GATB: variants seen among roughly 807,000 people sequenced by gnomAD.
The protein encoded by GATB is glutamyl-tRNA(Gln) amidotransferase subunit B, mitochondrial.
A neutral mutation model predicts 62.3 loss-of-function variants in GATB; 39 were observed. The ratio of observed to expected loss-of-function variants is 0.63; its 90% CI spans 0.48 to 0.82. The LOEUF is 0.82. Ranked by LOEUF, GATB falls within the 40% of genes least tolerant of loss-of-function variation. GATB has a pLI of 0.00. For synonymous variants in GATB, 276 were observed against 258.9 expected (o/e 1.07, Z -0.63); for missense variants, 670 against 684.0 (o/e 0.98, Z 0.23).
chr4:151,700,642 C>A (rs887298607), intron 9 of GATB, among the ~76,000 whole-genome samples: 7 of 152,158 alleles, frequency 4.6e-5, no homozygotes, highest in Non-Finnish European at 1.0e-4. Flanking sequence ...TTCCCACTTC[C>A]TTCCTAACAG....
intron 5 of GATB, among the ~76,000 whole-genome samples, chr4:151,715,732 T>C (rs1738899307): frequency 6.6e-6 from 1 of 152,216 alleles, no homozygotes; most frequent in Non-Finnish European, 1.5e-5. Flanking sequence ...AAGACTGAAC[T>C]GTTCAAAGCC....
chr4:151,672,646 A>G, intron 12 of GATB, 116 bp downstream of exon 12: 1 of 1,066,708 alleles, frequency 9.4e-7, no homozygotes, highest in Non-Finnish European at 1.4e-6. Context: ...ATTATTGATG[A>G]AACTGGGTCA....
chr4:151,675,433 C>G (rs984802159), intron 11 of GATB: 7 of 152,266 alleles, frequency 4.6e-5, no homozygotes, highest in African/African-American at 1.4e-4. Context: ...ATCCTTTGCT[C>G]AATCCTATTT....
chr4:151,701,419 A>C lies in GATB; in HGVS notation c.1107T>G (p.Ile369Met). The change falls in exon 9 of 13, where the codon ATT becomes ATG. Residue 369 changes from isoleucine (I) to methionine (M), a missense_variant. Ile to Met is a conservative substitution (Grantham distance 10, BLOSUM62 1). Coordinates refer to ENST00000263985, the MANE Select transcript of GATB (RefSeq NM_004564.3). ...DPQQVINIDQ[I>M]RETLPELPSV... Reference sequence around the variant, plus strand: ...TGGGGAGCTCCGGGAGTGTCTCCCGAATCTGGTCAATATTGATCACTTGCT... The same window carrying C: ...TGGGGAGCTCCGGGAGTGTCTCCCGCATCTGGTCAATATTGATCACTTGCT... 6.2e-7 allele frequency: 1 copy of C among 1,605,868 alleles called. No homozygotes were observed.
intron 2 of GATB, among the ~76,000 whole-genome samples, chr4:151,739,448 C>T (rs1578934624): frequency 6.6e-6 from 1 of 152,132 alleles, no homozygotes; most frequent in Admixed American, 6.5e-5. Context: ...TTTAAAAGAG[C>T]TGAGGAAAAA....
rs997467312 is a variant in GATB, at chr4:151,709,735, T to C, written c.764-1634A>G. ...ATCCTGACTCAACACAGTTCCCTCCTTGTCCAGGGACTGGCAATGTGGCTG... is the reference window on the plus strand; with the variant it reads ...ATCCTGACTCAACACAGTTCCCTCCCTGTCCAGGGACTGGCAATGTGGCTG... On this transcript the variant is annotated intron_variant, in intron 5 of 12. Transcript: ENST00000263985. Among the ~76,000 whole-genome samples the C allele has an allele frequency of 2.6e-5, 4 of 151,926 alleles. No individual in the cohort carries two copies. In the East Asian group the frequency reaches 7.8e-4, roughly 29 times the overall value.
intron 2 of GATB, among the ~76,000 whole-genome samples, chr4:151,725,956 T>C (rs570599133): frequency 2.6e-5 from 4 of 152,264 alleles, no homozygotes; most frequent in African/African-American, 9.6e-5. Context: ...CTTAAAAAAT[T>C]GAGGTGACAT....
At chr4:151,719,648 A>ATCTCTGGT (rs1738989147) in intron 2 of GATB, 110 bp from the exon 3 acceptor site, 2 of 641,432 alleles carry the variant, frequency 3.1e-6, no homozygotes, top group Non-Finnish European at 5.2e-6. Flanking sequence ...AACAGGCATT[A>ATCTCTGGT]TCTCTGGTTC....
chr4:151,696,530 T>C (rs760501846), intron 9 of GATB, among the ~76,000 whole-genome samples: 3 of 152,224 alleles, frequency 2.0e-5, no homozygotes, highest in Non-Finnish European at 4.4e-5. Flanking sequence ...GCGTAGGCCT[T>C]GAAGTCAGCA....
At chr4:151,700,085 C>T (rs4696289) in intron 9 of GATB, among the ~76,000 whole-genome samples, 36,919 of 152,120 alleles carry the variant, frequency 0.24, 5,142 homozygotes, top group Non-Finnish European at 0.32. Flanking sequence ...AAGACTAAAA[C>T]GTAGTTTTGT....
chr4:151,715,552 A>G (rs988194797), intron 5 of GATB, among the ~76,000 whole-genome samples: 1 of 152,224 alleles, frequency 6.6e-6, no homozygotes, highest in Non-Finnish European at 1.5e-5. Context: ...AAGTTTTCAT[A>G]ATCTTGGCTT....
intron 11 of GATB, among the ~76,000 whole-genome samples, chr4:151,678,166 C>T (rs1738050277): frequency 6.6e-6 from 1 of 152,206 alleles, no homozygotes; most frequent in African/African-American, 2.4e-5. Flanking sequence ...AAGCAACACA[C>T]ACTAGACACC....
At chr4:151,686,566 G>C (rs1272184003) in intron 10 of GATB, among the ~76,000 whole-genome samples, 1 of 150,424 alleles carries the variant, frequency 6.6e-6, no homozygotes, top group Admixed American at 6.6e-5. Context: ...CTCTCTTTCT[G>C]ATGCCCCAAA....
At chr4:151,673,128 T>A (rs935681900) in intron 11 of GATB, 3 of 493,068 alleles carry the variant, frequency 6.1e-6, no homozygotes, top group Admixed American at 3.2e-5. Flanking sequence ...CTAGGTGGAG[T>A]GAATGCACCT....
At chr4:151,734,242 A>G (rs1461662894) in intron 2 of GATB, among the ~76,000 whole-genome samples, 1 of 152,212 alleles carries the variant, frequency 6.6e-6, no homozygotes, top group Non-Finnish European at 1.5e-5. Flanking sequence ...AGAATTCAGC[A>G]AAGTTTCCAG....
At position 151,671,206 on chromosome 4, in the gene GATB, T is replaced by C. The variant is rs1168720136; in HGVS notation, c.1642A>G (p.Lys548Glu). The C allele has an allele frequency of 1.9e-6, 3 of 1,614,182 alleles. No individual in the cohort carries two copies. The South Asian group carries it at 3.3e-5, about 18-fold the overall frequency. ...GACAGCTTCTTCTCCAGGATCTCCTTTATCATGACTGGATCTGCTCGGCTT... is the reference window on the plus strand; with the variant it reads ...GACAGCTTCTTCTCCAGGATCTCCTCTATCATGACTGGATCTGCTCGGCTT... ...TQSRADPVMI[K>E]EILEKKLSL The change falls in exon 13 of 13, where the codon AAG becomes GAG. Residue 548 changes from lysine (K) to glutamate (E), a missense_variant. Physicochemically the swap from Lys to Glu is moderately conservative, Grantham distance 56. Coordinates refer to ENST00000263985, the MANE Select transcript of GATB (RefSeq NM_004564.3).
intron 9 of GATB, among the ~76,000 whole-genome samples, chr4:151,697,294 T>C (rs1738488527): frequency 6.6e-6 from 1 of 152,206 alleles, no homozygotes; most frequent in Non-Finnish European, 1.5e-5. Flanking sequence ...GAAATATTAT[T>C]CAGCTATAAA....
intron 2 of GATB, among the ~76,000 whole-genome samples, chr4:151,731,168 G>C (rs991014584): frequency 1.5e-5 from 2 of 129,134 alleles, no homozygotes; most frequent in Non-Finnish European, 3.2e-5. Flanking sequence ...ATGCCAAGCC[G>C]AGGCTGGACT....
At chr4:151,689,310 G>T (rs1738315561) in intron 9 of GATB, among the ~76,000 whole-genome samples, 1 of 152,210 alleles carries the variant, frequency 6.6e-6, no homozygotes, top group African/African-American at 2.4e-5. Context: ...GAAATAGACA[G>T]GAATGGTTCT....
Sources: gnomAD v4.1 joint callset for allele counts (sites outside exome capture counted in the v4.1 genomes callset) on GRCh38, gnomAD v4.1.1 for gene constraint, MANE v1.5 for transcripts, NCBI Gene and HGNC (gene_info 2026-07-23, HGNC 2026-07-21) for gene names.